The following RPA1 variants were observed in gnomAD, a reference collection of about 807,000 sequenced individuals.
RPA1 encodes replication protein A1.
Under a neutral mutation model 83.0 loss-of-function variants are expected in RPA1, and 49 were observed. That is an observed-to-expected ratio of 0.59 (90% CI 0.47 to 0.75). The LOEUF is 0.75. Among genes scored for constraint, RPA1 ranks in the 30% least tolerant of loss-of-function variants. RPA1 has a pLI of 0.00. For missense variants in RPA1, 693 were observed against 776.1 expected, an observed-to-expected ratio of 0.89 and a Z score of 1.27; for synonymous variants, 279 against 281.8, an observed-to-expected ratio of 0.99 and a Z score of 0.10.
chr17:1,878,221 T>TGA (rs1349873130), intron 8 of RPA1, among the ~76,000 whole-genome samples: 1 of 152,040 alleles, frequency 6.6e-6, no homozygotes, highest in Non-Finnish European at 1.5e-5. Flanking sequence ...GGCGACAGAG[T>TGA]GAGACTCCAT....
At chr17:1,840,480 G>A (rs370884163) in intron 1 of RPA1, among the ~76,000 whole-genome samples, 2 of 152,012 alleles carry the variant, frequency 1.3e-5, no homozygotes, top group African/African-American at 4.8e-5. Context: ...CAGAGACAGG[G>A]TTTCACCGTG....
rs1274179091 is a variant in RPA1 at position 1,884,552 on chromosome 17, C to A, written c.1374+608C>A. On this transcript the variant is annotated intron_variant, in intron 13 of 16. Transcript: ENST00000254719. The surrounding 1 kb of genome is among the most constrained non-coding windows in gnomAD (Gnocchi z 4.1). ...TCTGCCAGCAGTTTAGTATTTAGAT[C>A]ATTTATTTCTCCTTTACGCCTGCTC... is the stretch of plus-strand genomic sequence containing the variant. Among the ~76,000 whole-genome samples the A allele has an allele frequency of 1.3e-5, 2 of 152,182 alleles. No homozygotes were observed. Among genetic ancestry groups the A allele is most frequent in the Non-Finnish European group, 2.9e-5 (2 of 68,030 alleles).
At chr17:1,895,304 G>T (rs1323413538) in intron 16 of RPA1, among the ~76,000 whole-genome samples, 1 of 151,200 alleles carries the variant, frequency 6.6e-6, no homozygotes, top group Admixed American at 6.6e-5. Flanking sequence ...ATGGCGGGGG[G>T]GTGGGGAATA....
chr17:1,880,445 A>G, intron 11 of RPA1, 98 bp from the exon 12 acceptor site: 3 of 1,305,428 alleles, frequency 2.3e-6, no homozygotes, highest in South Asian at 1.3e-5. Flanking sequence ...CGCTGATTAC[A>G]TTCACTCTAC....
chr17:1,846,929 T>C (rs1273707545), intron 4 of RPA1, among the ~76,000 whole-genome samples: 2 of 151,692 alleles, frequency 1.3e-5, no homozygotes, highest in Non-Finnish European at 2.9e-5. Flanking sequence ...TTTTGTTCTG[T>C]TTTTTTCTTA....
chr17:1,866,967 C>T (rs1411054993), intron 5 of RPA1, among the ~76,000 whole-genome samples: 1 of 152,158 alleles, frequency 6.6e-6, no homozygotes, highest in Non-Finnish European at 1.5e-5. Context: ...ATGCAGTTGG[C>T]ATTCATTCCT....
At chr17:1,872,099 G>T (rs1446064914) in intron 5 of RPA1, 1 of 300,372 alleles carries the variant, frequency 3.3e-6, no homozygotes, top group African/African-American at 2.1e-5. Flanking sequence ...TATGGAAATA[G>T]TGGTAATGTC....
intron 1 of RPA1, among the ~76,000 whole-genome samples, chr17:1,837,538 G>A (rs72822496): frequency 0.21 from 31,220 of 152,092 alleles, 3,379 homozygotes; most frequent in Admixed American, 0.24. Flanking sequence ...AAAAGAAATC[G>A]CCAACCTTTT....
At chr17:1,834,963 G>A (rs1160392740) in intron 1 of RPA1, among the ~76,000 whole-genome samples, 1 of 152,136 alleles carries the variant, frequency 6.6e-6, no homozygotes, top group Admixed American at 6.6e-5. Flanking sequence ...CCAGGTTCAA[G>A]TGATTCTTTT....
intron 4 of RPA1, among the ~76,000 whole-genome samples, chr17:1,851,049 A>T (rs1382091400): frequency 6.6e-6 from 1 of 152,198 alleles, no homozygotes; most frequent in Non-Finnish European, 1.5e-5. Flanking sequence ...CCAAATTGTC[A>T]TCTGTTGTCC....
At chr17:1,845,162 T>TTG (rs71150822) in intron 4 of RPA1, among the ~76,000 whole-genome samples, 33,920 of 141,432 alleles carry the variant, frequency 0.24, 4,512 homozygotes, top group Non-Finnish European at 0.33. Context: ...TAATGCTGCT[T>TTG]TGTGTGTGTG....
chr17:1,840,655 C>T (rs1005904138), intron 1 of RPA1, among the ~76,000 whole-genome samples: 6 of 152,342 alleles, frequency 3.9e-5, no homozygotes, highest in African/African-American at 1.4e-4. Context: ...AGCGATCCTC[C>T]TGCTTCCGTC....
chr17:1,838,356 C>A (rs916657899), intron 1 of RPA1, among the ~76,000 whole-genome samples: 3 of 151,632 alleles, frequency 2.0e-5, no homozygotes, highest in Non-Finnish European at 4.4e-5. Context: ...GTAATCCCAG[C>A]ACTTTGGGAG....
chr17:1,859,589 T>C (rs1178730363), intron 5 of RPA1, among the ~76,000 whole-genome samples: 1 of 152,202 alleles, frequency 6.6e-6, no homozygotes, highest in African/African-American at 2.4e-5. Context: ...TGAAGTCTGC[T>C]TTGATATTAG....
chr17:1,846,311 C>CTTTTTT (rs71150823), intron 4 of RPA1, among the ~76,000 whole-genome samples: 172 of 75,708 alleles, frequency 2.3e-3, no homozygotes, highest in East Asian at 3.1e-3. Flanking sequence ...GGAAGCTTTG[C>CTTTTTT]TTTTTTTTTT....
intron 2 of RPA1, 42 bp from the exon 3 acceptor site, chr17:1,843,878 G>C (rs759324897): frequency 5.8e-6 from 9 of 1,559,140 alleles, no homozygotes; most frequent in African/African-American, 1.4e-5. Context: ...CCCTGGGGAC[G>C]GGGCAGACAA....
At chr17:1,862,057 A>AT (rs199867538) in intron 5 of RPA1, among the ~76,000 whole-genome samples, 1,607 of 150,628 alleles carry the variant, frequency 0.011, 31 homozygotes, top group African/African-American at 0.038. Context: ...TGCCCGGGTG[A>AT]TTTTTTTTGT....
intron 7 of RPA1, 89 bp from the exon 8 acceptor site, chr17:1,877,123 A>G: frequency 8.0e-7 from 1 of 1,243,742 alleles, no homozygotes; most frequent in Non-Finnish European, 1.2e-6. Context: ...GAATATGCGT[A>G]AGACGAGAAA....
rs187023827 is a variant in RPA1 at position 1,886,084 on chromosome 17, A to G, written c.1374+2140A>G. On this transcript the variant is annotated intron_variant, in intron 13 of 16. Transcript: ENST00000254719. ...TAATCTCCTTGTACTGTGTGTCTCCATTGAGCTCTTGTGTGAACAGGTGCA... is the reference window on the plus strand; with the variant it reads ...TAATCTCCTTGTACTGTGTGTCTCCGTTGAGCTCTTGTGTGAACAGGTGCA... Among the ~76,000 whole-genome samples, 189 of 152,008 alleles carry G rather than the reference A, an allele frequency of 1.2e-3. 1 individual carries two copies. Among genetic ancestry groups the G allele is most frequent in the Non-Finnish European group, 2.2e-4 (15 of 67,992 alleles).
Sources: gnomAD v4.1 joint callset for allele counts (sites outside exome capture counted in the v4.1 genomes callset) on GRCh38, gnomAD v4.1.1 for gene constraint, Gnocchi (gnomAD v3.1) non-coding constraint, MANE v1.5 for transcripts, NCBI Gene and HGNC (gene_info 2026-07-23, HGNC 2026-07-21) for gene names.